Variants in PMM2 observed in about 807,000 individuals in gnomAD.
PMM2 encodes the protein phosphomannomutase 2, also known as mannose-6-phosphate isomerase.
PMM2 carries 35 observed loss-of-function variants against 33.2 expected under a neutral mutation model. That is an observed-to-expected ratio of 1.06 (90% CI 0.81 to 1.40). PMM2 has a LOEUF of 1.40. Ranked by LOEUF, PMM2 falls within the 40% of genes most tolerant of loss-of-function variation. The probability of loss-of-function intolerance (pLI) is 0.00; values close to 1 mark genes in which losing one functional copy is unlikely to be tolerated. For missense variants in PMM2, 386 were observed against 306.0 expected (o/e 1.26, Z -1.95); for synonymous variants, 153 against 114.7 (o/e 1.33, Z -2.13).
chr16:8,835,353 A>T (rs886956302), intron 7 of PMM2, among the ~76,000 whole-genome samples: 1 of 151,944 alleles, frequency 6.6e-6, no homozygotes, highest in Admixed American at 6.6e-5. Context: ...GATGGGGATG[A>T]AATTTGGGCT....
Position 8,849,288 on chromosome 16 carries a change from C to G in PMM2, c.*1463C>G, listed in dbSNP as rs963130215. The G allele has an allele frequency of 6.6e-6, 1 of 152,270 alleles. No homozygotes were observed. Among genetic ancestry groups the G allele is most frequent in the South Asian group, 2.1e-4 (1 of 4,834 alleles). The allele number at this position is 152,270 out of a possible 1,614,324, so 9.4% of individuals were successfully genotyped here. A position where few individuals can be genotyped will look rare whatever the true frequency, so the allele number is the denominator to read the frequency against. On this transcript the variant is annotated 3_prime_UTR_variant, in exon 8 of 8. Transcript: ENST00000268261. Reference sequence around the variant, plus strand: ...GTCGAATGATACTGTAATGACCTTCCAAAGTGAAGAGTAGCACATTAAAGT... The same window carrying G: ...GTCGAATGATACTGTAATGACCTTCGAAAGTGAAGAGTAGCACATTAAAGT...
intron 2 of PMM2, chr16:8,802,129 T>C (rs555003643): frequency 1.6e-4 from 88 of 535,588 alleles, no homozygotes; most frequent in Non-Finnish European, 2.6e-4. Flanking sequence ...GATGTGTGAG[T>C]AGATTCACCT....
At chr16:8,842,197 G>A (rs1434419908) in intron 7 of PMM2, 1 of 152,154 alleles carries the variant, frequency 6.6e-6, no homozygotes, top group East Asian at 1.9e-4. Context: ...TCAACAGGCA[G>A]AGCACGTGTG....
At chr16:8,815,218 C>CTTTTTTTTTTTTTTTTTT (rs59339190) in intron 7 of PMM2, among the ~76,000 whole-genome samples, 2 of 138,504 alleles carry the variant, frequency 1.4e-5, no homozygotes, top group South Asian at 2.3e-4. Context: ...TATTTTCTTT[C>CTTTTTTTTTTTTTTTTTT]TTTTTTTTTT....
chr16:8,836,233 C>T (rs1052959916), intron 7 of PMM2, among the ~76,000 whole-genome samples: 3 of 151,988 alleles, frequency 2.0e-5, no homozygotes, highest in Non-Finnish European at 2.9e-5. Flanking sequence ...CGATGCTCGG[C>T]GTCCGTGATG....
At position 8,806,568 on chromosome 16, in the gene PMM2, AGC is replaced by A. The variant is rs1278007182; in HGVS notation, c.347+162_347+163del. ...GCCCCTTGGCAATTCTGGTTCAGAA[AGC>A]CTGAGAGCCGAGCTTGGAAATCCAC... On this transcript the variant is annotated intron_variant, in intron 4 of 7. Coordinates refer to ENST00000268261, the MANE Select transcript of PMM2 (RefSeq NM_000303.3). 6 of 658,176 alleles carry A rather than the reference AGC, an allele frequency of 9.1e-6. No homozygotes were observed. The East Asian group carries it at 1.1e-4, about 12-fold the overall frequency. The allele number at this position is 658,176 out of a possible 1,614,324, so 40.8% of individuals were successfully genotyped here.
chr16:8,809,559 C>G (rs919615737), intron 4 of PMM2: 1 of 152,150 alleles, frequency 6.6e-6, no homozygotes, highest in Admixed American at 6.6e-5. Flanking sequence ...TTCAAGCGAT[C>G]CTCCTGCCTC....
At chr16:8,836,344 T>C (rs1223132164) in intron 7 of PMM2, among the ~76,000 whole-genome samples, 1 of 152,034 alleles carries the variant, frequency 6.6e-6, no homozygotes, top group Non-Finnish European at 1.5e-5. Context: ...TTCCAGGGGC[T>C]CTGGGGAGTG....
intron 7 of PMM2, among the ~76,000 whole-genome samples, chr16:8,836,374 A>G (rs1295443142): frequency 6.6e-6 from 1 of 151,974 alleles, no homozygotes; most frequent in Non-Finnish European, 1.5e-5. Flanking sequence ...TGAGTTGAAC[A>G]GTCTGATTTT....
intron 7 of PMM2, among the ~76,000 whole-genome samples, chr16:8,824,835 C>G (rs1446820673): frequency 6.6e-6 from 1 of 152,160 alleles, no homozygotes; most frequent in African/African-American, 2.4e-5. Flanking sequence ...GAAGACTCAG[C>G]TTTCTAAACA....
At chr16:8,843,230 A>G (rs9936117) in intron 7 of PMM2, among the ~76,000 whole-genome samples, 50,050 of 151,900 alleles carry the variant, frequency 0.33, 9,005 homozygotes, top group African/African-American at 0.48. Flanking sequence ...AGAAGGCAAC[A>G]TGGAGTGGGT....
At chr16:8,847,538 T>TA in intron 7 of PMM2, 186 bp from the exon 8 acceptor site, 1 of 609,382 alleles carries the variant, frequency 1.6e-6, no homozygotes, top group Middle Eastern at 4.0e-4. Flanking sequence ...GAGAAGGTTA[T>TA]AAATCTCTTC....
intron 7 of PMM2, among the ~76,000 whole-genome samples, chr16:8,836,346 TG>T (rs1255494630): frequency 3.3e-5 from 5 of 152,020 alleles, no homozygotes; most frequent in African/African-American, 9.7e-5. Flanking sequence ...CCAGGGGCTC[TG>T]GGGAGTGGCT....
rs886052469 is a variant in PMM2 at position 8,848,784 on chromosome 16, C to G, written c.*959C>G. The G allele has an allele frequency of 3.9e-5, 6 of 152,246 alleles. No individual in the cohort carries two copies. The highest frequency in any genetic ancestry group is 1.4e-4 in the African/African-American group (6 of 41,460). The allele number at this position is 152,246 out of a possible 1,614,324, so 9.4% of individuals were successfully genotyped here. On this transcript the variant is annotated 3_prime_UTR_variant, in exon 8 of 8. Transcript: ENST00000268261. ...GAGAACAGTAAGAGGAGCTGCTCTCCTATCTGCACTCACCCAGGCCTTCAC... is the reference window on the plus strand; with the variant it reads ...GAGAACAGTAAGAGGAGCTGCTCTCGTATCTGCACTCACCCAGGCCTTCAC...
In PMM2 at chr16:8,820,351, C is replaced by CTTTTTTTTTTTTTTT. The variant is rs545958069; in HGVS notation, c.639+7248_639+7262dup. Among the ~76,000 whole-genome samples, 204 of 133,100 alleles carry CTTTTTTTTTTTTTTT rather than the reference C, an allele frequency of 1.5e-3. 11 individuals are homozygous for CTTTTTTTTTTTTTTT. The highest frequency in any genetic ancestry group is 5.8e-3 in the African/African-American group (187 of 32,132). The allele number at this position is 133,100 out of a possible 152,430, so 87.3% of individuals were successfully genotyped here. Reference sequence around the variant, plus strand: ...TCAGCCCAGTGAGGACACAGTTCTTCTTTTTTTTTTTTTTTTTCCTGAGAC... The same window carrying CTTTTTTTTTTTTTTT: ...TCAGCCCAGTGAGGACACAGTTCTTCTTTTTTTTTTTTTTTTTTTTTTTTTTTTTTTTCCTGAGAC... On this transcript the variant is annotated intron_variant, in intron 7 of 7. Transcript: ENST00000268261.
rs762102200 is a variant in PMM2 at position 8,847,726 on chromosome 16, T to C, written c.642T>C (p.Gly214=). 6.2e-7 allele frequency: 1 copy of C among 1,611,498 alleles called. No homozygotes were observed. The highest frequency in any genetic ancestry group is 1.7e-5 in the Admixed American group (1 of 60,000). ...IYFFGDKTMP[G]GNDHEIFTDP... ...ATCTGTACTTCGTGTCTTTCCAGGG[T>C]GGCAATGACCATGAGATCTTCACAG... Residue 214 remains glycine, a splice_region_variant and synonymous_variant, in exon 8 of 8, where the codon GGT becomes GGC. Coordinates refer to ENST00000268261, the MANE Select transcript of PMM2 (RefSeq NM_000303.3).
rs1157662316 is a variant in PMM2 at position 8,835,363 on chromosome 16, T to C, written c.640-12361T>C. 2.6e-5 allele frequency among the ~76,000 whole-genome samples: 4 copies of C among 151,986 alleles called. No homozygotes were observed. The East Asian group carries it at 5.8e-4, about 22-fold the overall frequency. On this transcript the variant is annotated intron_variant, in intron 7 of 7. Transcript: ENST00000268261. ...TAACAGATGGGGATGAAATTTGGGC[T>C]TGACTGAAGTAGTGGGGGCTGTCTG... is the stretch of plus-strand genomic sequence containing the variant.
chr16:8,810,820 A>G (rs367734962), intron 4 of PMM2: 14 of 518,974 alleles, frequency 2.7e-5, no homozygotes, highest in Admixed American at 1.3e-4. Context: ...CACAAAGTCA[A>G]TATACAACAT....
intron 7 of PMM2, among the ~76,000 whole-genome samples, chr16:8,825,348 G>A (rs1039437919): frequency 6.0e-5 from 9 of 149,036 alleles, no homozygotes; most frequent in East Asian, 4.1e-4. Flanking sequence ...GTTTTGAGAC[G>A]GAGTTTCACT....
Sources: gnomAD v4.1 joint callset for allele counts (sites outside exome capture counted in the v4.1 genomes callset) on GRCh38, gnomAD v4.1.1 for gene constraint, MANE v1.5 for transcripts, NCBI Gene and HGNC (gene_info 2026-07-23, HGNC 2026-07-21) for gene names.